Variants in MICU2 observed in about 807,000 individuals in gnomAD.
MICU2 encodes the protein calcium uptake protein 2, mitochondrial.
Under a neutral mutation model 60.4 loss-of-function variants are expected in MICU2, and 64 were observed. That is an observed-to-expected ratio of 1.06 (90% confidence interval 0.87 to 1.31). The LOEUF (loss-of-function observed/expected upper bound fraction) is 1.31. MICU2 is among the 50% of genes most tolerant of loss of function. The pLI is 0.00. For missense variants in MICU2, 569 were observed against 531.0 expected, an observed-to-expected ratio of 1.07 and a Z score of -0.70; for synonymous variants, 201 against 175.0, an observed-to-expected ratio of 1.15 and a Z score of -1.17.
chr13:21,560,646 G>A (rs748124948), intron 2 of MICU2, among the ~76,000 whole-genome samples: 5 of 151,442 alleles, frequency 3.3e-5, no homozygotes, highest in Non-Finnish European at 7.4e-5. Flanking sequence ...ACACACACAC[G>A]TGTGCATACA....
chr13:21,581,004 G>A (rs1402182328), intron 1 of MICU2, among the ~76,000 whole-genome samples: 1 of 152,094 alleles, frequency 6.6e-6, no homozygotes. Flanking sequence ...AAGAGCAAGA[G>A]GCAAACATCA....
At chr13:21,542,814 T>C (rs1469264285) in intron 2 of MICU2, among the ~76,000 whole-genome samples, 2 of 152,226 alleles carry the variant, frequency 1.3e-5, no homozygotes, top group African/African-American at 4.8e-5. Context: ...CAGCATATCC[T>C]GTTATAGGTA....
intron 9 of MICU2, among the ~76,000 whole-genome samples, chr13:21,501,898 G>GA (rs1381009145): frequency 6.6e-6 from 1 of 152,152 alleles, no homozygotes; most frequent in African/African-American, 2.4e-5. Context: ...TATGCGGACA[G>GA]AGACTCCTAT....
chr13:21,535,364 C>A (rs757653376), intron 4 of MICU2, among the ~76,000 whole-genome samples: 1 of 152,066 alleles, frequency 6.6e-6, no homozygotes, highest in Non-Finnish European at 1.5e-5. Flanking sequence ...CAGTTTATAT[C>A]CACAGAGATT....
intron 4 of MICU2, among the ~76,000 whole-genome samples, chr13:21,523,643 C>A (rs1886780464): frequency 6.6e-6 from 1 of 152,192 alleles, no homozygotes; most frequent in Admixed American, 6.5e-5. Flanking sequence ...CCAATCACTG[C>A]ATTTCTGTGG....
At chr13:21,508,544 C>T (rs866340494) in intron 8 of MICU2, among the ~76,000 whole-genome samples, 3 of 152,186 alleles carry the variant, frequency 2.0e-5, no homozygotes, top group East Asian at 1.9e-4. Context: ...TGGCCTTCTT[C>T]AGGGCCTCTC....
At chr13:21,502,779 G>A in intron 9 of MICU2, 147 bp downstream of exon 9, 2 of 685,820 alleles carry the variant, frequency 2.9e-6, no homozygotes, top group South Asian at 4.1e-5. Flanking sequence ...CTTTACAGGA[G>A]AAGAGCATGT....
At chr13:21,595,744 G>A (rs745496983) in intron 1 of MICU2, among the ~76,000 whole-genome samples, 2 of 152,230 alleles carry the variant, frequency 1.3e-5, no homozygotes, top group African/African-American at 2.4e-5. Context: ...TTCAGCTGCA[G>A]CAGGCTTTAT....
intron 9 of MICU2, among the ~76,000 whole-genome samples, chr13:21,496,846 A>T (rs4770168): frequency 6.6e-6 from 1 of 151,932 alleles, no homozygotes; most frequent in Non-Finnish European, 1.5e-5. Context: ...ACGAGGTCGG[A>T]AGATGGAGAC....
At chr13:21,540,558 A>G (rs1269147218) in intron 2 of MICU2, among the ~76,000 whole-genome samples, 1 of 152,142 alleles carries the variant, frequency 6.6e-6, no homozygotes, top group East Asian at 1.9e-4. Flanking sequence ...TTGGACGATA[A>G]ATCTACAAGG....
chr13:21,537,903 G>A (rs530812984), intron 4 of MICU2, among the ~76,000 whole-genome samples: 1 of 152,166 alleles, frequency 6.6e-6, no homozygotes, highest in South Asian at 2.1e-4. Context: ...TGATACAGTG[G>A]GAAAGACATC....
intron 8 of MICU2, among the ~76,000 whole-genome samples, chr13:21,507,892 G>A (rs948639862): frequency 1.3e-5 from 2 of 151,392 alleles, no homozygotes; most frequent in Non-Finnish European, 2.9e-5. Flanking sequence ...ATGAGCCACC[G>A]CGCCCGGCCA....
intron 1 of MICU2, 147 bp downstream of exon 1, chr13:21,603,792 C>T: frequency 3.4e-6 from 3 of 877,456 alleles, no homozygotes; most frequent in South Asian, 1.8e-5. Flanking sequence ...AGGAGCGAGT[C>T]CCACCAGTCG....
Position 21,492,955 on chromosome 13 carries a change from T to C in MICU2, c.*294A>G, listed in dbSNP as rs988542751. ...ATTTGTTTTATCCTTCCAGAAAGCATATCATATTAGAGTGTCTAAGAAATC... is the reference window on the plus strand; with the variant it reads ...ATTTGTTTTATCCTTCCAGAAAGCACATCATATTAGAGTGTCTAAGAAATC... On this transcript the variant is annotated 3_prime_UTR_variant, in exon 12 of 12. Coordinates refer to ENST00000382374, the MANE Select transcript of MICU2 (RefSeq NM_152726.3). 2.7e-5 allele frequency: 5 copies of C among 186,998 alleles called. No individual in the cohort carries two copies. In the Admixed American group the frequency reaches 3.1e-4, roughly 12 times the overall value. 11.6% of individuals were successfully genotyped at this position (186,998 alleles called of 1,614,324 possible). A position where few individuals can be genotyped will look rare whatever the true frequency, so the allele number is the denominator to read the frequency against.
intron 1 of MICU2, among the ~76,000 whole-genome samples, chr13:21,581,989 C>G (rs1294883584): frequency 6.6e-6 from 1 of 152,196 alleles, no homozygotes; most frequent in Non-Finnish European, 1.5e-5. Context: ...TTTTTGTTTT[C>G]ACTATACCTT....
rs148386035 is a variant in MICU2 at position 21,573,485 on chromosome 13, G to T, written c.211-6541C>A. ...GACGGGGTTTCACCGTCTTAGCCAGGATGGTCTTGATCTCCTGAGCTAGTG... is the reference window on the plus strand; with the variant it reads ...GACGGGGTTTCACCGTCTTAGCCAGTATGGTCTTGATCTCCTGAGCTAGTG... On this transcript the variant is annotated intron_variant, in intron 1 of 11. Coordinates refer to ENST00000382374, the MANE Select transcript of MICU2 (RefSeq NM_152726.3). 6.6e-3 allele frequency among the ~76,000 whole-genome samples: 1,007 copies of T among 152,170 alleles called. 6 individuals are homozygous for T. The highest frequency in any genetic ancestry group is 0.014 in the Middle Eastern group (4 of 294).
chr13:21,522,831 T>A (rs1886751953), intron 4 of MICU2, among the ~76,000 whole-genome samples, 181 bp from the exon 5 acceptor site: 1 of 152,242 alleles, frequency 6.6e-6, no homozygotes, highest in African/African-American at 2.4e-5. Context: ...AAAGAAACTA[T>A]GTTTCATCAG....
chr13:21,592,269 A>C (rs570098973), intron 1 of MICU2, among the ~76,000 whole-genome samples: 3 of 152,346 alleles, frequency 2.0e-5, no homozygotes, highest in African/African-American at 7.2e-5. Flanking sequence ...TCTAGAAGAA[A>C]TGGATAAATT....
chr13:21,600,461 A>T (rs1888788983), intron 1 of MICU2, among the ~76,000 whole-genome samples: 1 of 152,174 alleles, frequency 6.6e-6, no homozygotes, highest in Non-Finnish European at 1.5e-5. Context: ...TAACCCTACC[A>T]CAGCATTTAT....
Sources: allele counts gnomAD v4.1 joint callset (sites outside exome capture counted in the v4.1 genomes callset), GRCh38; gene constraint gnomAD v4.1.1; transcripts MANE v1.5; gene names NCBI Gene and HGNC (gene_info 2026-07-23, HGNC 2026-07-21).